The following TTC6 variants were observed in gnomAD, a reference collection of about 807,000 sequenced individuals.
TTC6 encodes tetratricopeptide repeat protein 6.
In TTC6, 172 loss-of-function variants were observed where a neutral mutation model predicts 210.4. The observed-to-expected ratio is 0.82, with a 90% CI of 0.72 to 0.93. The LOEUF (loss-of-function observed/expected upper bound fraction) is 0.93, where lower values mean the gene tolerates loss of function less well. Ranked by LOEUF, TTC6 falls within the 40% of genes least tolerant of loss-of-function variation. The probability of loss-of-function intolerance (pLI) is 0.00; values close to 1 mark genes in which losing one functional copy is unlikely to be tolerated. For missense variants in TTC6, 2,414 were observed against 2,318.1 expected (o/e 1.04, Z -0.85); for synonymous variants, 804 against 819.6 (o/e 0.98, Z 0.32).
intron 18 of TTC6, among the ~76,000 whole-genome samples, 161 bp downstream of exon 20, chr14:37,795,513 A>T (rs2096090638): frequency 6.6e-6 from 1 of 152,156 alleles, no homozygotes; most frequent in Non-Finnish European, 1.5e-5. Flanking sequence ...TTAAACTTTG[A>T]GATAGTTTAT....
At chr14:37,633,523 C>T (rs1467152670) in intron 1 of TTC6, among the ~76,000 whole-genome samples, 1 of 152,186 alleles carries the variant, frequency 6.6e-6, no homozygotes, top group Admixed American at 6.5e-5. Flanking sequence ...CACCTGCCTA[C>T]TGCATTGATC....
intron 1 of TTC6, among the ~76,000 whole-genome samples, chr14:37,678,027 C>G (rs2095774175): frequency 6.6e-6 from 1 of 151,848 alleles, no homozygotes; most frequent in African/African-American, 2.4e-5. Context: ...GATTTTCTTC[C>G]TGGTTATGTA....
At chr14:37,836,313 A>G (rs2096197818) in intron 29 of TTC6, among the ~76,000 whole-genome samples, 1 of 152,080 alleles carries the variant, frequency 6.6e-6, no homozygotes, top group African/African-American at 2.4e-5. Context: ...ACTTAACCAA[A>G]CTCAGATCAC....
Position 37,729,409 on chromosome 14 carries a change from T to C in TTC6, c.1818+4407T>C, listed in dbSNP as rs146676316. Among the ~76,000 whole-genome samples the C allele has an allele frequency of 3.2e-4, 49 of 152,324 alleles. No homozygotes were observed. In the East Asian group the frequency reaches 9.1e-3, roughly 28 times the overall value. ...AAGAAAATCTGCTGAGGGGGCATACTTGACTGGTGGCCTCCAGCTGCTGTC... is the reference window on the plus strand; with the variant it reads ...AAGAAAATCTGCTGAGGGGGCATACCTGACTGGTGGCCTCCAGCTGCTGTC... On this transcript the variant is annotated intron_variant, in intron 7 of 30. Coordinates refer to ENST00000553443, the Ensembl canonical transcript of TTC6.
chr14:37,770,196 A>G (rs2096013446), intron 14 of TTC6, among the ~76,000 whole-genome samples: 1 of 152,040 alleles, frequency 6.6e-6, no homozygotes, highest in Non-Finnish European at 1.5e-5. Flanking sequence ...GTTCTTTTAC[A>G]TTTGCTGAGG....
In TTC6 at chr14:37,709,459, G is replaced by A. The variant is rs189720481; in HGVS notation, c.1572-5196G>A. 3.0e-4 allele frequency among the ~76,000 whole-genome samples: 46 copies of A among 152,132 alleles called. No homozygotes were observed. The East Asian group carries it at 8.5e-3, about 28-fold the overall frequency. ...TTTGGTATGACAAAAAATCATTTCA[G>A]TATGCACTATCAATGTCTGTTAAGA... On this transcript the variant is annotated intron_variant, in intron 5 of 30. Transcript: ENST00000553443.
chr14:37,787,022 A>T (rs1288721298), intron 14 of TTC6, among the ~76,000 whole-genome samples: 1 of 152,098 alleles, frequency 6.6e-6, no homozygotes, highest in Non-Finnish European at 1.5e-5. Context: ...ACGTATTTGG[A>T]TGTATCTTCA....
chr14:37,804,861 T>G (rs148899798), intron 21 of TTC6, 47 bp downstream of exon 23: 1 of 1,596,556 alleles, frequency 6.3e-7, no homozygotes, highest in East Asian at 2.2e-5. Flanking sequence ...TTTTAGAGAC[T>G]GGTTGCTTGT....
At chr14:37,796,909 C>T (rs747241856) in exon 20 of TTC6, 3 of 1,605,342 alleles carry the variant, frequency 1.9e-6, no homozygotes, top group Admixed American at 3.4e-5. Flanking sequence ...CATGTGTGCT[C>T]TATTAGCAAA....
intron 9 of TTC6, 41 bp downstream of exon 11, chr14:37,737,775 T>G: frequency 8.9e-7 from 1 of 1,118,540 alleles, no homozygotes; most frequent in Non-Finnish European, 1.2e-6. Flanking sequence ...AAAGAAACAT[T>G]TATATTCCTA....
At chr14:37,779,035 A>G (rs1192340446) in intron 14 of TTC6, among the ~76,000 whole-genome samples, 1 of 152,086 alleles carries the variant, frequency 6.6e-6, no homozygotes, top group Non-Finnish European at 1.5e-5. Flanking sequence ...CCACCTTTCT[A>G]AGAAGCTCTC....
At chr14:37,668,481 A>AACTAGTGG (rs2095752428) in intron 1 of TTC6, among the ~76,000 whole-genome samples, 1 of 150,536 alleles carries the variant, frequency 6.6e-6, no homozygotes, top group Admixed American at 6.6e-5. Flanking sequence ...ATCCCCCTGG[A>AACTAGTGG]ACTAGTGGAT....
intron 10 of TTC6, among the ~76,000 whole-genome samples, chr14:37,745,736 A>G (rs1171356729): frequency 6.6e-6 from 1 of 152,218 alleles, no homozygotes; most frequent in Admixed American, 6.5e-5. Context: ...CAGAGCCAGT[A>G]TGTAATTACC....
At chr14:37,782,701 G>T (rs1403496012) in intron 14 of TTC6, among the ~76,000 whole-genome samples, 1 of 152,126 alleles carries the variant, frequency 6.6e-6, no homozygotes, top group Non-Finnish European at 1.5e-5. Flanking sequence ...TCCCTGTCTT[G>T]TGCCAGTTTT....
At chr14:37,779,144 C>T (rs2096047045) in intron 14 of TTC6, among the ~76,000 whole-genome samples, 2 of 152,328 alleles carry the variant, frequency 1.3e-5, no homozygotes, top group South Asian at 4.1e-4. Flanking sequence ...CTCAACTCAT[C>T]CTTTCCCCAG....
chr14:37,841,542 A>G, exon 30 of TTC6: 2 of 1,604,740 alleles, frequency 1.2e-6, no homozygotes, highest in Non-Finnish European at 1.7e-6. Flanking sequence ...AAGAAATATG[A>G]AGAAGCAAAA....
intron 25 of TTC6, 121 bp from the exon 28 acceptor site, chr14:37,817,457 G>A (rs113797054): frequency 1.7e-5 from 13 of 767,814 alleles, no homozygotes; most frequent in African/African-American, 8.7e-5. Flanking sequence ...TGTGTCACAT[G>A]TATTTAGGAA....
intron 10 of TTC6, among the ~76,000 whole-genome samples, chr14:37,748,099 G>A (rs910986960): frequency 6.6e-6 from 1 of 152,142 alleles, no homozygotes; most frequent in African/African-American, 2.4e-5. Context: ...TAGACAAAGG[G>A]CAAAAGTAGA....
chr14:37,704,468 C>A (rs563698103), intron 5 of TTC6, among the ~76,000 whole-genome samples: 8 of 152,106 alleles, frequency 5.3e-5, no homozygotes, highest in Admixed American at 4.6e-4. Flanking sequence ...TGAATTTTTT[C>A]TAATCTTTTA....
Sources: allele counts gnomAD v4.1 joint callset (sites outside exome capture counted in the v4.1 genomes callset), GRCh38; gene constraint gnomAD v4.1.1; transcripts MANE v1.5; gene names NCBI Gene and HGNC (gene_info 2026-07-23, HGNC 2026-07-21).